The following GCFC2 variants were observed in gnomAD, a reference collection of about 807,000 sequenced individuals.
GCFC2 encodes GC-rich sequence DNA-binding factor 2, also known as intron Large complex component GCFC2.
A neutral mutation model predicts 99.4 loss-of-function variants in GCFC2; 102 were observed. That is an observed-to-expected ratio of 1.03 (90% confidence interval 0.87 to 1.21). GCFC2 has a LOEUF of 1.21. Ranked by LOEUF, GCFC2 falls within the 50% of genes most tolerant of loss-of-function variation. GCFC2 has a pLI of 0.00. For synonymous variants in GCFC2, 338 were observed against 316.8 expected (o/e 1.07, Z -0.71); for missense variants, 973 against 920.9 (o/e 1.06, Z -0.73).
At chr2:75,665,855 C>A (rs1167608266) in intron 16 of GCFC2, 74 bp downstream of exon 16, 3 of 923,764 alleles carry the variant, frequency 3.2e-6, no homozygotes, top group African/African-American at 1.7e-5. Context: ...AAATACAAAT[C>A]TTTCTAAAAG....
rs905379071 is a variant in GCFC2 at position 75,664,405 on chromosome 2, C to T, written c.*261G>A. 6 of 217,066 alleles carry T rather than the reference C, an allele frequency of 2.8e-5. No homozygotes were observed. Among genetic ancestry groups the T allele is most frequent in the African/African-American group, 1.4e-4 (6 of 43,788 alleles). The allele number at this position is 217,066 out of a possible 1,614,324, so 13.4% of individuals were successfully genotyped here. ...TTCCCCTCTTAAGAAAATTGAAAGA[C>T]CAGCCAAAAGAATCAAAGGGAAACA... On this transcript the variant is annotated 3_prime_UTR_variant, in exon 17 of 17. Coordinates refer to ENST00000321027, the MANE Select transcript of GCFC2 (RefSeq NM_003203.5).
chr2:75,711,054 G>A (rs1681163892), upstream of GCFC2: 5 of 1,319,598 alleles, frequency 3.8e-6, no homozygotes, highest in South Asian at 4.4e-5. Context: ...GTTCTGTTCT[G>A]GGGCCTGAGT....
At chr2:75,666,246 G>T (rs545922131) in intron 15 of GCFC2, among the ~76,000 whole-genome samples, 193 bp from the exon 16 acceptor site, 1 of 152,220 alleles carries the variant, frequency 6.6e-6, no homozygotes, top group East Asian at 1.9e-4. Flanking sequence ...TTAATGCTAA[G>T]AACTTAAAAT....
intron 14 of GCFC2, among the ~76,000 whole-genome samples, chr2:75,671,616 G>C (rs547133813): frequency 6.6e-6 from 1 of 152,232 alleles, no homozygotes; most frequent in South Asian, 2.1e-4. Flanking sequence ...CCTGTTGCCT[G>C]TTTTTATAGG....
At chr2:75,699,957 G>A (rs986201068) in intron 4 of GCFC2, among the ~76,000 whole-genome samples, 3 of 150,524 alleles carry the variant, frequency 2.0e-5, no homozygotes, top group Admixed American at 2.0e-4. Flanking sequence ...CTGAAGCGCA[G>A]TGGCGTGATC....
At chr2:75,705,616 CAAAAAAAA>C (rs34447327) in intron 2 of GCFC2, among the ~76,000 whole-genome samples, 1 of 84,340 alleles carries the variant, frequency 1.2e-5, no homozygotes, top group Non-Finnish European at 2.1e-5. Flanking sequence ...GACTCCATCT[CAAAAAAAA>C]AAAAAAAAAA....
At chr2:75,671,911 T>C (rs1163874468) in intron 14 of GCFC2, 39 bp downstream of exon 14, 2 of 995,546 alleles carry the variant, frequency 2.0e-6, no homozygotes, top group South Asian at 2.6e-5. Context: ...ACAGGATTTT[T>C]ACAAAAATTG....
chr2:75,684,729 T>G (rs770289234), intron 11 of GCFC2, among the ~76,000 whole-genome samples: 4 of 152,178 alleles, frequency 2.6e-5, no homozygotes, highest in Non-Finnish European at 5.9e-5. Context: ...GATTATAAAT[T>G]CATGCTGCTA....
intron 5 of GCFC2, 40 bp from the exon 6 acceptor site, chr2:75,694,467 C>CT: frequency 1.3e-6 from 1 of 776,616 alleles, no homozygotes; most frequent in Non-Finnish European, 1.9e-6. Context: ...TTTTCATACT[C>CT]TTTTAAAAGT....
intron 15 of GCFC2, among the ~76,000 whole-genome samples, chr2:75,668,426 G>T (rs762127260): frequency 1.3e-5 from 2 of 152,168 alleles, no homozygotes; most frequent in Non-Finnish European, 2.9e-5. Context: ...CCTTTTCCCT[G>T]TAACTGGTTG....
At chr2:75,677,817 A>G (rs1679414045) in intron 12 of GCFC2, among the ~76,000 whole-genome samples, 1 of 152,142 alleles carries the variant, frequency 6.6e-6, no homozygotes, top group South Asian at 2.1e-4. Flanking sequence ...TCTCTACTAA[A>G]AGCACACAAA....
At chr2:75,697,425 C>T (rs1242328032) in intron 4 of GCFC2, among the ~76,000 whole-genome samples, 1 of 152,210 alleles carries the variant, frequency 6.6e-6, no homozygotes, top group South Asian at 2.1e-4. Context: ...ATAACCCATT[C>T]AAATATCACC....
intron 1 of GCFC2, among the ~76,000 whole-genome samples, chr2:75,709,684 G>A (rs1290649740): frequency 2.0e-5 from 3 of 152,144 alleles, no homozygotes; most frequent in Non-Finnish European, 4.4e-5. Context: ...ATTAGTAAGA[G>A]TAGATAGTAA....
chr2:75,664,950 T>A (rs1332794358), intron 16 of GCFC2, among the ~76,000 whole-genome samples, 167 bp from the exon 17 acceptor site: 1 of 152,180 alleles, frequency 6.6e-6, no homozygotes, highest in Non-Finnish European at 1.5e-5. Context: ...CACTTAATTA[T>A]AAAGTTCAAA....
chr2:75,664,828 A>G lies in GCFC2; in HGVS notation c.2229-45T>C, dbSNP rs373267057. 1.7e-5 allele frequency: 15 copies of G among 875,834 alleles called. No individual in the cohort carries two copies. The African/African-American group carries it at 2.3e-4, about 14-fold the overall frequency. The allele number at this position is 875,834 out of a possible 1,614,324, so 54.3% of individuals were successfully genotyped here. A position where few individuals can be genotyped will look rare whatever the true frequency, so the allele number is the denominator to read the frequency against. ...TCTCCCTTTAAAAATGCAATGTATG[A>G]GGGAACAGCGGTCAATTCAGAACCT... On this transcript the variant is annotated intron_variant, in intron 16 of 16. Transcript: ENST00000321027.
intron 12 of GCFC2, among the ~76,000 whole-genome samples, chr2:75,676,207 T>C (rs1333341784): frequency 6.6e-6 from 1 of 152,154 alleles, no homozygotes; most frequent in East Asian, 1.9e-4. Flanking sequence ...AACTCCCAAG[T>C]GATGTTTAGA....
chr2:75,705,672 G>A (rs571257855), intron 2 of GCFC2, among the ~76,000 whole-genome samples: 24 of 148,656 alleles, frequency 1.6e-4, no homozygotes, highest in South Asian at 2.1e-4. Context: ...TATTACAAGC[G>A]TCATAAAATA....
chr2:75,666,104 C>A lies in GCFC2; in HGVS notation c.2104-51G>T, dbSNP rs189008768. The A allele has an allele frequency of 3.8e-4, 557 of 1,454,216 alleles. 4 individuals are homozygous for A. In the African/African-American group the frequency reaches 7.2e-3, roughly 19 times the overall value. The allele number at this position is 1,454,216 out of a possible 1,614,324, so 90.1% of individuals were successfully genotyped here. A position where few individuals can be genotyped will look rare whatever the true frequency, so the allele number is the denominator to read the frequency against. On this transcript the variant is annotated intron_variant, in intron 15 of 16. Coordinates refer to ENST00000321027, the MANE Select transcript of GCFC2 (RefSeq NM_003203.5). ...TTACAATGACAGTTATCTAAGAAATCTTGCTAATATAATCTCATAGTGATA... is the reference window on the plus strand; with the variant it reads ...TTACAATGACAGTTATCTAAGAAATATTGCTAATATAATCTCATAGTGATA...
intron 12 of GCFC2, among the ~76,000 whole-genome samples, chr2:75,678,468 T>C (rs1184794094): frequency 2.0e-5 from 3 of 152,198 alleles, no homozygotes; most frequent in African/African-American, 7.2e-5. Flanking sequence ...TCTCTCTCTG[T>C]TGCCACATGT....
Sources: allele counts gnomAD v4.1 joint callset (sites outside exome capture counted in the v4.1 genomes callset), GRCh38; gene constraint gnomAD v4.1.1; transcripts MANE v1.5; gene names NCBI Gene and HGNC (gene_info 2026-07-23, HGNC 2026-07-21).